GPR161: variants seen among roughly 807,000 people sequenced by gnomAD.
GPR161 encodes the protein G protein-coupled receptor 161.
GPR161 carries 25 observed loss-of-function variants against 39.2 expected under a neutral mutation model. The ratio of observed to expected loss-of-function variants is 0.64; its 90% CI spans 0.47 to 0.89. The LOEUF is 0.89. Among genes scored for constraint, GPR161 ranks in the 40% least tolerant of loss-of-function variants. The probability of loss-of-function intolerance (pLI) is 0.00; values close to 1 mark genes in which losing one functional copy is unlikely to be tolerated. For missense variants in GPR161, 547 were observed against 677.8 expected (o/e 0.81, Z 2.14); for synonymous variants, 286 against 276.6 (o/e 1.03, Z -0.34).
At chr1:168,115,326 TA>T (rs1219081762) in intron 1 of GPR161, among the ~76,000 whole-genome samples, 1 of 152,144 alleles carries the variant, frequency 6.6e-6, no homozygotes, top group African/African-American at 2.4e-5. Context: ...ATGATCTATA[TA>T]ACACATGTCA....
intron 1 of GPR161, among the ~76,000 whole-genome samples, chr1:168,127,762 C>T (rs1426974773): frequency 6.6e-6 from 1 of 152,180 alleles, no homozygotes; most frequent in Non-Finnish European, 1.5e-5. Context: ...ATTCAATCAC[C>T]TCCCACTGGG....
At chr1:168,096,396 G>C in intron 3 of GPR161, 112 bp downstream of exon 3, 1 of 1,076,314 alleles carries the variant, frequency 9.3e-7, no homozygotes, top group Non-Finnish European at 1.4e-6. Context: ...TCTGTGCTTT[G>C]AGCCTTACCG....
chr1:168,111,489 T>A (rs1009034629), intron 1 of GPR161, among the ~76,000 whole-genome samples: 1 of 152,042 alleles, frequency 6.6e-6, no homozygotes, highest in Non-Finnish European at 1.5e-5. Context: ...GGAAGATAAA[T>A]CTCCCTAATG....
Position 168,083,507 on chromosome 1 carries a change from C to G in GPR161, c.*2024G>C, listed in dbSNP as rs370528033. The G allele has an allele frequency of 3.9e-5, 6 of 152,222 alleles. No homozygotes were observed. The highest frequency in any genetic ancestry group is 1.2e-4 in the African/African-American group (5 of 41,444). The allele number at this position is 152,222 out of a possible 1,614,324, so 9.4% of individuals were successfully genotyped here. On this transcript the variant is annotated 3_prime_UTR_variant, in exon 6 of 6. Coordinates refer to ENST00000682931, the MANE Select transcript of GPR161 (RefSeq NM_001375883.1). ...AAGGTCTCTCTGCCCTGTTCCACCT[C>G]TGTGCACACTAGTTGATCAGGAATA...
intron 1 of GPR161, among the ~76,000 whole-genome samples, chr1:168,112,479 C>CAAA (rs57030886): frequency 2.2e-4 from 14 of 63,052 alleles, no homozygotes; most frequent in East Asian, 6.2e-4. Flanking sequence ...GACTCCGTCT[C>CAAA]AAAAAAAAAA....
Position 168,087,724 on chromosome 1 carries a change from G to A in GPR161, c.1205-20C>T. On this transcript the variant is annotated intron_variant, in intron 4 of 5. Transcript: ENST00000682931. ...CTGTCCCTAAAACAACGGGCAGATT[G>A]TGCATATGTAACTACAATCTAAAGT... 6.3e-7 allele frequency: 1 copy of A among 1,596,360 alleles called. No individual in the cohort carries two copies. Among genetic ancestry groups the A allele is most frequent in the Non-Finnish European group, 8.5e-7 (1 of 1,169,626 alleles).
chr1:168,090,795 G>C, intron 3 of GPR161, 127 bp from the exon 4 acceptor site: 1 of 551,518 alleles, frequency 1.8e-6, no homozygotes, highest in Non-Finnish European at 3.3e-6. Flanking sequence ...TCAACTCCCT[G>C]AAAGACAGGA....
In GPR161 at chr1:168,113,806, CA is replaced by C. The variant is rs561284275; in HGVS notation, c.-44-8913del. 1.6e-3 allele frequency among the ~76,000 whole-genome samples: 244 copies of C among 152,224 alleles called. 1 individual carries two copies. The highest frequency in any genetic ancestry group is 5.7e-3 in the African/African-American group (236 of 41,536). ...GATGAGAACACAAAGAGAGGAACAA[CA>C]GGCACTAAGGCCTACTTGAGAGTGG... On this transcript the variant is annotated intron_variant, in intron 1 of 5. Coordinates refer to ENST00000682931, the MANE Select transcript of GPR161 (RefSeq NM_001375883.1).
chr1:168,101,485 G>A (rs1302654063), intron 2 of GPR161, among the ~76,000 whole-genome samples: 3 of 152,180 alleles, frequency 2.0e-5, no homozygotes, highest in African/African-American at 7.2e-5. Flanking sequence ...GAAACCCTGA[G>A]CTACGCTAGC....
chr1:168,095,865 T>C (rs1402063166), intron 3 of GPR161, among the ~76,000 whole-genome samples: 1 of 152,136 alleles, frequency 6.6e-6, no homozygotes, highest in African/African-American at 2.4e-5. Context: ...CCTGGCATGG[T>C]GGCTCACGCT....
chr1:168,114,534 G>A (rs927555461), intron 1 of GPR161: 36 of 151,110 alleles, frequency 2.4e-4, no homozygotes, highest in African/African-American at 4.9e-4. Context: ...ATCTGCCTAA[G>A]CAACAGGGTG....
Position 168,085,573 on chromosome 1 carries a change from C to A in GPR161, c.1548G>T (p.Gln516His). The A allele has an allele frequency of 6.2e-7, 1 of 1,614,038 alleles. No homozygotes were observed. Among genetic ancestry groups the A allele is most frequent in the East Asian group, 2.2e-5 (1 of 44,874 alleles). Residue 516 changes from glutamine to histidine, a missense_variant, in exon 6 of 6, where the codon CAG becomes CAT. Transcript: ENST00000682931. The stretch of plus-strand genomic sequence containing the variant: ...CTAAAACATCTCCTTCTTCGATGCT[C>A]TGCAACTGCAGCCTCTGGCTCACAA... ...RTLVSQRLQL[Q>H]SIEEGDVLAA...
chr1:168,086,563 A>ATGTGCCTTGCTCTT (rs1694515897), intron 5 of GPR161, among the ~76,000 whole-genome samples: 1 of 152,114 alleles, frequency 6.6e-6, no homozygotes, highest in Non-Finnish European at 1.5e-5. Flanking sequence ...ATGGCAGGGG[A>ATGTGCCTTGCTCTT]GGACCCCCTG....
Position 168,085,585 on chromosome 1 carries a change from C to T in GPR161, c.1536G>A (p.Arg512=), listed in dbSNP as rs375553519. ...CTTCTTCGATGCTCTGCAACTGCAG[C>T]CTCTGGCTCACAAGAGTTCTGCTGC... ...RRGSRTLVSQ[R]LQLQSIEEGD... The change falls in exon 6 of 6, where the codon AGG becomes AGA. Residue 512 remains arginine, a synonymous_variant. Transcript: ENST00000682931. The T allele has an allele frequency of 6.2e-7, 1 of 1,613,990 alleles. No homozygotes were observed. The highest frequency in any genetic ancestry group is 8.5e-7 in the Non-Finnish European group (1 of 1,180,040).
At chr1:168,095,296 C>T (rs1297977461) in intron 3 of GPR161, among the ~76,000 whole-genome samples, 1 of 152,148 alleles carries the variant, frequency 6.6e-6, no homozygotes, top group African/African-American at 2.4e-5. Flanking sequence ...AAACAAAGGA[C>T]ATTAATGAAA....
At chr1:168,112,396 C>T (rs940391978) in intron 1 of GPR161, among the ~76,000 whole-genome samples, 20 of 139,224 alleles carry the variant, frequency 1.4e-4, no homozygotes, top group South Asian at 2.4e-4. Context: ...AGGAGAATGG[C>T]GTGAACCCGG....
chr1:168,136,710 C>T, intron 1 of GPR161, 29 bp downstream of exon 1: 5 of 1,042,676 alleles, frequency 4.8e-6, no homozygotes, highest in Non-Finnish European at 5.8e-6. Context: ...CGCCCGGGCC[C>T]GCGCCCGCGC....
chr1:168,119,923 G>C (rs1291952677), intron 1 of GPR161, among the ~76,000 whole-genome samples: 1 of 152,210 alleles, frequency 6.6e-6, no homozygotes, highest in African/African-American at 2.4e-5. Flanking sequence ...GGAAATGCCT[G>C]AATGTCCAGG....
At chr1:168,086,492 C>T (rs890803095) in intron 5 of GPR161, among the ~76,000 whole-genome samples, 29 of 152,170 alleles carry the variant, frequency 1.9e-4, no homozygotes, top group African/African-American at 6.5e-4. Flanking sequence ...ACCTGTACCC[C>T]ACTCTCCAAG....
Sources: gnomAD v4.1 joint callset for allele counts (sites outside exome capture counted in the v4.1 genomes callset) on GRCh38, gnomAD v4.1.1 for gene constraint, MANE v1.5 for transcripts, NCBI Gene and HGNC (gene_info 2026-07-23, HGNC 2026-07-21) for gene names.